Variants in TMEM132D observed in about 807,000 individuals in gnomAD.
TMEM132D encodes the protein mature OL transmembrane protein.
In TMEM132D, 21 loss-of-function variants were observed where a neutral mutation model predicts 62.3. The observed-to-expected ratio is 0.34, with a 90% CI of 0.24 to 0.49. The LOEUF (loss-of-function observed/expected upper bound fraction) is 0.49. Ranked by LOEUF, TMEM132D falls within the 20% of genes least tolerant of loss-of-function variation. TMEM132D has a pLI of 0.99. For missense variants in TMEM132D, 1,346 were observed against 1,402.8 expected (o/e 0.96, Z 0.65); for synonymous variants, 621 against 575.6 (o/e 1.08, Z -1.13).
At chr12:129,702,383 CAT>C (rs1294838358) in intron 1 of TMEM132D, among the ~76,000 whole-genome samples, 6 of 152,322 alleles carry the variant, frequency 3.9e-5, no homozygotes, top group African/African-American at 1.2e-4. Context: ...AAAAAGATTA[CAT>C]GTTTTAACTT....
chr12:129,484,314 T>C (rs1322405145), intron 3 of TMEM132D, among the ~76,000 whole-genome samples: 1 of 152,182 alleles, frequency 6.6e-6, no homozygotes, highest in African/African-American at 2.4e-5. Flanking sequence ...CTTGCTTTGT[T>C]GCATCAACTG....
chr12:129,712,214 T>G (rs1339441609), intron 1 of TMEM132D, among the ~76,000 whole-genome samples: 2 of 152,160 alleles, frequency 1.3e-5, no homozygotes, highest in African/African-American at 2.4e-5. Flanking sequence ...AACATCTGCC[T>G]CCCAGGTTCA....
At chr12:129,458,693 T>C (rs967379393) in intron 3 of TMEM132D, among the ~76,000 whole-genome samples, 1 of 152,152 alleles carries the variant, frequency 6.6e-6, no homozygotes, top group Non-Finnish European at 1.5e-5. Context: ...GGCTAAACAA[T>C]GGAATTCAGA....
chr12:129,153,020 CCCTT>C (rs1262423529), intron 5 of TMEM132D, among the ~76,000 whole-genome samples: 1 of 152,188 alleles, frequency 6.6e-6, no homozygotes, highest in Non-Finnish European at 1.5e-5. Context: ...ACCACCTCCT[CCCTT>C]TGTCTTTGCA....
chr12:129,870,554 C>T (rs746264415), intron 1 of TMEM132D, among the ~76,000 whole-genome samples: 29 of 152,176 alleles, frequency 1.9e-4, no homozygotes, highest in Non-Finnish European at 3.4e-4. Context: ...CGCAAAAGCT[C>T]GGCATCCCTC....
intron 5 of TMEM132D, among the ~76,000 whole-genome samples, chr12:129,134,100 G>A (rs1470995533): frequency 7.0e-6 from 1 of 142,392 alleles, no homozygotes; most frequent in South Asian, 2.4e-4. Flanking sequence ...GTGTGTGTGT[G>A]TTGTGTGTCT....
chr12:129,192,541 A>T (rs1194954315), intron 5 of TMEM132D, among the ~76,000 whole-genome samples: 2 of 152,240 alleles, frequency 1.3e-5, no homozygotes, highest in East Asian at 1.9e-4. Flanking sequence ...TAAGGCCCTG[A>T]AAGACTAATC....
chr12:129,412,304 A>T (rs1260063074), intron 3 of TMEM132D, among the ~76,000 whole-genome samples: 1 of 152,240 alleles, frequency 6.6e-6, no homozygotes, highest in Admixed American at 6.5e-5. Flanking sequence ...AGGCATCGCT[A>T]GCTGTCTATG....
intron 1 of TMEM132D, among the ~76,000 whole-genome samples, chr12:129,709,279 G>A (rs1227315740): frequency 1.3e-5 from 2 of 152,134 alleles, no homozygotes; most frequent in East Asian, 1.9e-4. Context: ...AGAATCCATT[G>A]TGAGGAAATA....
chr12:129,449,442 G>A lies in TMEM132D; in HGVS notation c.1115+81617C>T, dbSNP rs141410269. Among the ~76,000 whole-genome samples, 423 of 152,218 alleles carry A rather than the reference G, an allele frequency of 2.8e-3. 1 individual carries two copies. Among genetic ancestry groups the A allele is most frequent in the African/African-American group, 9.7e-3 (402 of 41,538 alleles). ...TGTAGTCTAAGTTTCCACTAAACCC[G>A]CCAGACTTTCTGAGCCTGCAGAGCA... On this transcript the variant is annotated intron_variant, in intron 3 of 8. Transcript: ENST00000422113.
intron 3 of TMEM132D, among the ~76,000 whole-genome samples, chr12:129,372,936 A>G (rs1272699640): frequency 6.6e-6 from 1 of 152,188 alleles, no homozygotes; most frequent in East Asian, 1.9e-4. Context: ...GTCTTCCACG[A>G]AACTGGTTCC....
chr12:129,722,640 G>A (rs1408766420), intron 1 of TMEM132D, among the ~76,000 whole-genome samples: 1 of 152,056 alleles, frequency 6.6e-6, no homozygotes, highest in Non-Finnish European at 1.5e-5. Context: ...GGGTCCCCAA[G>A]GTGAGCACTG....
Position 129,903,522 on chromosome 12 carries a change from G to C in TMEM132D, c.-183C>G, listed in dbSNP as rs1875443545. ...GTCCATGGCCAGGCCGGGAGGCGAC[G>C]ACCGCGCGGGCTCCTGAGTTGCTCT... is the stretch of plus-strand genomic sequence containing the variant. On this transcript the variant is annotated 5_prime_UTR_variant, in exon 1 of 9. Coordinates refer to ENST00000422113, the MANE Select transcript of TMEM132D (RefSeq NM_133448.3). The surrounding 1 kb of genome is among the most constrained non-coding windows in gnomAD (Gnocchi z 6.2). The C allele has an allele frequency of 1.6e-6, 1 of 614,916 alleles. No homozygotes were observed. 38.1% of individuals were successfully genotyped at this position (614,916 alleles called of 1,614,324 possible). A position where few individuals can be genotyped will look rare whatever the true frequency, so the allele number is the denominator to read the frequency against.
At chr12:129,507,468 C>G (rs563144049) in intron 3 of TMEM132D, among the ~76,000 whole-genome samples, 1 of 152,294 alleles carries the variant, frequency 6.6e-6, no homozygotes, top group Admixed American at 6.5e-5. Flanking sequence ...CCCAAATGAT[C>G]ATCAATCAAC....
intron 5 of TMEM132D, among the ~76,000 whole-genome samples, chr12:129,174,026 G>T (rs1877823870): frequency 6.6e-6 from 1 of 152,290 alleles, no homozygotes; most frequent in Non-Finnish European, 1.5e-5. Context: ...AATTGGACCA[G>T]AACAAACGTA....
intron 2 of TMEM132D, among the ~76,000 whole-genome samples, chr12:129,690,068 C>T (rs915196241): frequency 2.6e-5 from 4 of 152,114 alleles, no homozygotes; most frequent in Non-Finnish European, 5.9e-5. Context: ...CACAGCAATG[C>T]CGCAAAGGAC....
chr12:129,302,361 CG>C (rs1411013646), intron 4 of TMEM132D, among the ~76,000 whole-genome samples: 6 of 152,194 alleles, frequency 3.9e-5, no homozygotes, highest in Non-Finnish European at 5.9e-5. Flanking sequence ...GAGATCCAGC[CG>C]CCTCGGCCTC....
intron 2 of TMEM132D, among the ~76,000 whole-genome samples, chr12:129,572,740 C>T (rs899884253): frequency 2.6e-5 from 4 of 152,012 alleles, no homozygotes; most frequent in Non-Finnish European, 5.9e-5. Context: ...TGAGCCAGCG[C>T]GCCCGGCCCA....
At chr12:129,688,602 C>G (rs1455920975) in intron 2 of TMEM132D, among the ~76,000 whole-genome samples, 2 of 152,058 alleles carry the variant, frequency 1.3e-5, no homozygotes, top group Non-Finnish European at 2.9e-5. Flanking sequence ...AACCTAGTCT[C>G]TGACCCAATG....
Sources: allele counts gnomAD v4.1 joint callset (sites outside exome capture counted in the v4.1 genomes callset), GRCh38; gene constraint gnomAD v4.1.1; non-coding constraint Gnocchi (gnomAD v3.1); transcripts MANE v1.5; gene names NCBI Gene and HGNC (gene_info 2026-07-23, HGNC 2026-07-21).